The following NXN variants were observed in gnomAD, a reference collection of about 807,000 sequenced individuals.
The protein encoded by NXN is nucleoredoxin 1.
Under a neutral mutation model 48.6 loss-of-function variants are expected in NXN, and 16 were observed. The observed-to-expected ratio is 0.33, with a 90% CI of 0.22 to 0.50. The LOEUF is 0.50. NXN is among the 20% of genes least tolerant of loss of function. The probability of loss-of-function intolerance (pLI) is 0.98; values close to 1 mark genes in which losing one functional copy is unlikely to be tolerated. For synonymous variants in NXN, 281 were observed against 269.6 expected (o/e 1.04, Z -0.41); for missense variants, 492 against 605.5 (o/e 0.81, Z 1.97).
chr17:960,958 C>T (rs1012289553), intron 1 of NXN, among the ~76,000 whole-genome samples: 1 of 151,748 alleles, frequency 6.6e-6, no homozygotes. Flanking sequence ...CTAATTTTTT[C>T]TATTTTTAGT....
intron 1 of NXN, among the ~76,000 whole-genome samples, chr17:831,366 C>A (rs180791701): frequency 2.3e-4 from 35 of 152,212 alleles, no homozygotes; most frequent in Admixed American, 9.2e-4. Context: ...AAAACTATGC[C>A]ATTTTATATC....
chr17:962,747 G>A (rs1179390817), intron 1 of NXN, among the ~76,000 whole-genome samples: 3 of 152,146 alleles, frequency 2.0e-5, no homozygotes, highest in Non-Finnish European at 4.4e-5. Context: ...CACGGAGAAG[G>A]CTTTTGTCCC....
intron 1 of NXN, among the ~76,000 whole-genome samples, chr17:841,434 G>C (rs1013453343): frequency 2.1e-5 from 1 of 47,180 alleles, no homozygotes; most frequent in Middle Eastern, 0.01. Flanking sequence ...TCTCACACGG[G>C]CGAGCAGGTC....
chr17:923,555 AG>A (rs1477889375), intron 1 of NXN, among the ~76,000 whole-genome samples: 10 of 152,246 alleles, frequency 6.6e-5, no homozygotes, highest in African/African-American at 2.4e-4. Flanking sequence ...TTTAAAATAA[AG>A]GCCATCCCAT....
At chr17:947,132 G>A (rs949034234) in intron 1 of NXN, among the ~76,000 whole-genome samples, 2 of 152,162 alleles carry the variant, frequency 1.3e-5, no homozygotes, top group African/African-American at 4.8e-5. Context: ...TGCACCGGCA[G>A]CGTCCCCCTC....
intron 1 of NXN, among the ~76,000 whole-genome samples, chr17:892,817 T>C (rs950401187): frequency 6.6e-6 from 1 of 152,232 alleles, no homozygotes; most frequent in Non-Finnish European, 1.5e-5. Flanking sequence ...TCATTCATTA[T>C]GCATTCGTCA....
At chr17:936,550 C>T (rs375275134) in intron 1 of NXN, among the ~76,000 whole-genome samples, 3 of 151,156 alleles carry the variant, frequency 2.0e-5, no homozygotes, top group African/African-American at 2.4e-5. Context: ...GATTCTGCTG[C>T]GGAAAAACTG....
intron 3 of NXN, 122 bp downstream of exon 3, chr17:823,510 A>G: frequency 9.3e-7 from 1 of 1,077,652 alleles, no homozygotes. Context: ...GGCACAGGAG[A>G]AGGCCAGAAG....
chr17:942,441 C>T (rs2068987648), intron 1 of NXN, among the ~76,000 whole-genome samples: 1 of 57,956 alleles, frequency 1.7e-5, no homozygotes, highest in Non-Finnish European at 4.0e-5. Context: ...CCTGGATTTA[C>T]AGTGAACAAG....
At chr17:971,937 G>A (rs924272176) in intron 1 of NXN, among the ~76,000 whole-genome samples, 38 of 152,050 alleles carry the variant, frequency 2.5e-4, no homozygotes, top group African/African-American at 5.3e-4. Context: ...AAGCCGAGGC[G>A]GGTGGATCAC....
rs1006027205 is a variant in NXN at position 830,136 on chromosome 17, G to A, written c.361-4058C>T. On this transcript the variant is annotated intron_variant, in intron 1 of 7. Transcript: ENST00000336868. The surrounding 1 kb of genome is among the most constrained non-coding windows in gnomAD (Gnocchi z 4.2). Reference sequence around the variant, plus strand: ...TGACTTACTGATGTGTAGGAGATACGCTGTTGTCAGCACCCTGTGCTTTCC... The same window carrying A: ...TGACTTACTGATGTGTAGGAGATACACTGTTGTCAGCACCCTGTGCTTTCC... Among the ~76,000 whole-genome samples the A allele has an allele frequency of 6.6e-6, 1 of 152,148 alleles. No homozygotes were observed. Among genetic ancestry groups the A allele is most frequent in the African/African-American group, 2.4e-5 (1 of 41,440 alleles).
intron 1 of NXN, among the ~76,000 whole-genome samples, chr17:861,630 A>G (rs1426334572): frequency 6.6e-6 from 1 of 152,186 alleles, no homozygotes; most frequent in East Asian, 1.9e-4. Context: ...AGTGCCAGAA[A>G]AGCAAGCAAA....
chr17:876,058 G>C (rs149714031), intron 1 of NXN, among the ~76,000 whole-genome samples: 4,191 of 152,124 alleles, frequency 0.028, 71 homozygotes, highest in Non-Finnish European at 0.036. Flanking sequence ...GCGTGCACCT[G>C]TAATCCCAGG....
At chr17:812,533 A>G (rs544028957) in intron 5 of NXN, among the ~76,000 whole-genome samples, 8 of 152,306 alleles carry the variant, frequency 5.3e-5, no homozygotes, top group African/African-American at 1.4e-4. Context: ...CAGACACTCC[A>G]ACAGCCAGGA....
At chr17:804,402 C>G (rs945691952) in intron 6 of NXN, among the ~76,000 whole-genome samples, 1 of 151,878 alleles carries the variant, frequency 6.6e-6, no homozygotes, top group Non-Finnish European at 1.5e-5. Flanking sequence ...CGTGCCTCAG[C>G]CTCCCGAGTA....
At position 958,956 on chromosome 17, in the gene NXN, TAC is replaced by T. The variant is rs147778678; in HGVS notation, c.360+20361_360+20362del. 3.8e-3 allele frequency: 628 copies of T among 164,466 alleles called. No individual in the cohort carries two copies. The highest frequency in any genetic ancestry group is 5.7e-3 in the Middle Eastern group (2 of 348). The allele number at this position is 164,466 out of a possible 1,614,324, so 10.2% of individuals were successfully genotyped here. On this transcript the variant is annotated intron_variant, in intron 1 of 7. Coordinates refer to ENST00000336868, the MANE Select transcript of NXN (RefSeq NM_022463.5). The surrounding 1 kb of genome is among the most constrained non-coding windows in gnomAD (Gnocchi z 6.9). ...TAAAAAAGAAACACACACACACACA[TAC>T]ACACACACACACACGATACGAGTTC...
In NXN at chr17:919,953, C is replaced by T. The variant is rs972780030; in HGVS notation, c.360+59366G>A. Among the ~76,000 whole-genome samples, 1 of 151,576 alleles carries T rather than the reference C, an allele frequency of 6.6e-6. No homozygotes were observed. The highest frequency in any genetic ancestry group is 1.5e-5 in the Non-Finnish European group (1 of 67,616). On this transcript the variant is annotated intron_variant, in intron 1 of 7. Coordinates refer to ENST00000336868, the MANE Select transcript of NXN (RefSeq NM_022463.5). This position sits in a 1 kb window ranked among gnomAD's most constrained non-coding sequence, Gnocchi z 5.1. ...TTCCATCTCTCTCTGCCTCAGCCCC[C>T]ACCGGCACCCTTGGTGCCTTCATCA...
chr17:846,488 TAGCAA>T (rs1318763924), intron 1 of NXN, among the ~76,000 whole-genome samples: 1 of 152,058 alleles, frequency 6.6e-6, no homozygotes, highest in African/African-American at 2.4e-5. Context: ...AAAGGACTTT[TAGCAA>T]AGCAGTTTTA....
rs916461189 is a variant in NXN at position 914,236 on chromosome 17, C to T, written c.360+65083G>A. On this transcript the variant is annotated intron_variant, in intron 1 of 7. Transcript: ENST00000336868. ...TTTTAATAGAGATGGGGTTTCGCCA[C>T]GTTGGCCAGGCTGGTCTCGCACTCC... 1.7e-4 allele frequency among the ~76,000 whole-genome samples: 8 copies of T among 46,386 alleles called. 1 individual carries two copies. The highest frequency in any genetic ancestry group is 7.7e-4 in the South Asian group (1 of 1,302). The allele number at this position is 46,386 out of a possible 152,430, so 30.4% of individuals were successfully genotyped here.
Sources: gnomAD v4.1 joint callset for allele counts (sites outside exome capture counted in the v4.1 genomes callset) on GRCh38, gnomAD v4.1.1 for gene constraint, Gnocchi (gnomAD v3.1) non-coding constraint, MANE v1.5 for transcripts, NCBI Gene and HGNC (gene_info 2026-07-23, HGNC 2026-07-21) for gene names.